RXFP4: variants seen among roughly 807,000 people sequenced by gnomAD.
RXFP4 encodes the protein relaxin family peptide/INSL5 receptor 4.
For synonymous variants in RXFP4, 182 were observed against 218.0 expected (o/e 0.83, Z 1.45); for missense variants, 425 against 491.3 (o/e 0.87, Z 1.28).
Position 155,942,590 on chromosome 1 carries a change from C to T in RXFP4, c.881C>T (p.Thr294Ile). The T allele has an allele frequency of 2.5e-6, 4 of 1,614,226 alleles. No individual in the cohort carries two copies. The highest frequency in any genetic ancestry group is 3.4e-6 in the Non-Finnish European group (4 of 1,180,024). Residue 294 changes from threonine to isoleucine, a missense_variant, in exon 1 of 1, where the codon ACT becomes ATT. Transcript: ENST00000368318. This position sits in a 1 kb window ranked among gnomAD's most constrained non-coding sequence, Gnocchi z 5.2. ...YTIQTYVFPVTTCLAHSNSCL... is the reference protein window; with the variant it reads ...YTIQTYVFPVITCLAHSNSCL... ...ATCCAGACGTATGTCTTCCCTGTCA[C>T]TACTTGCTTGGCACACAGCAATAGC...
Position 155,941,939 on chromosome 1 carries a change from A to G in RXFP4, c.230A>G (p.Asp77Gly), listed in dbSNP as rs138502753. 1.8e-4 allele frequency: 288 copies of G among 1,613,958 alleles called. 2 individuals carry two copies. Among genetic ancestry groups the G allele is most frequent in the Non-Finnish European group, 2.1e-5 (25 of 1,180,012 alleles). ...CARRAPGPPS[D>G]TFVFNLALAD... is the part of the protein sequence containing the mutation. ...CGGAGAGCCCCTGGCCCACCTTCAGACACCTTCGTCTTCAACCTGGCTCTG... is the reference window on the plus strand; with the variant it reads ...CGGAGAGCCCCTGGCCCACCTTCAGGCACCTTCGTCTTCAACCTGGCTCTG... The change falls in exon 1 of 1, where the codon GAC becomes GGC. Residue 77 changes from aspartate (D) to glycine (G), a missense_variant. By Grantham distance (94) the Asp-to-Gly change is moderately conservative. Transcript: ENST00000368318.
Position 155,942,850 on chromosome 1 carries a change from C to G in RXFP4, c.*16C>G. ...ACCCGGGTGAAGGGCGCAAGCTGAACACACTCCTCTTTCTGAGATCCACCA... is the reference window on the plus strand; with the variant it reads ...ACCCGGGTGAAGGGCGCAAGCTGAAGACACTCCTCTTTCTGAGATCCACCA... On this transcript the variant is annotated 3_prime_UTR_variant, in exon 1 of 1. Coordinates refer to ENST00000368318, the MANE Select transcript of RXFP4 (RefSeq NM_181885.3). This position sits in a 1 kb window ranked among gnomAD's most constrained non-coding sequence, Gnocchi z 5.2. 1 of 1,494,752 alleles carries G rather than the reference C, an allele frequency of 6.7e-7. No homozygotes were observed. The highest frequency in any genetic ancestry group is 8.9e-7 in the Non-Finnish European group (1 of 1,128,722). 92.6% of individuals were successfully genotyped at this position (1,494,752 alleles called of 1,614,324 possible).
In RXFP4 at chr1:155,942,026, A is replaced by T. The variant is rs778446357; in HGVS notation, c.317A>T (p.His106Leu). 1.2e-6 allele frequency: 2 copies of T among 1,612,308 alleles called. No homozygotes were observed. Among genetic ancestry groups the T allele is most frequent in the East Asian group, 4.5e-5 (2 of 44,872 alleles). The stretch of plus-strand genomic sequence containing the variant: ...GCAGCCGAGTCGGCACTGGACTTTC[A>T]CTGGCCCTTCGGAGGTGCCCTCTGC... ...FWAAESALDF[H>L]WPFGGALCKM... Residue 106 changes from histidine to leucine, a missense_variant, in exon 1 of 1, where the codon CAC becomes CTC. Physicochemically the swap from His to Leu is moderately conservative, Grantham distance 99 (BLOSUM62 -3). Transcript: ENST00000368318. This position sits in a 1 kb window ranked among gnomAD's most constrained non-coding sequence, Gnocchi z 5.2.
rs768700062 is a variant in RXFP4 at position 155,941,992 on chromosome 1, C to T, written c.283C>T (p.Pro95Ser). The change falls in exon 1 of 1, where the codon CCC becomes TCC. Residue 95 changes from proline (P) to serine (S), a missense_variant. Physicochemically the swap from Pro to Ser is moderately conservative, Grantham distance 74. Transcript: ENST00000368318. ...GGACCTGGGACTGGCACTCACTCTCCCCTTTTGGGCAGCCGAGTCGGCACT... is the reference window on the plus strand; with the variant it reads ...GGACCTGGGACTGGCACTCACTCTCTCCTTTTGGGCAGCCGAGTCGGCACT... ...LADLGLALTL[P>S]FWAAESALDF... 20 of 1,613,758 alleles carry T rather than the reference C, an allele frequency of 1.2e-5. 1 individual carries two copies. Among genetic ancestry groups the T allele is most frequent in the South Asian group, 1.1e-4 (10 of 91,090 alleles).
Position 155,942,124 on chromosome 1 carries a change from C to T in RXFP4, c.415C>T (p.Arg139Cys), listed in dbSNP as rs201370533. 91 of 1,613,332 alleles carry T rather than the reference C, an allele frequency of 5.6e-5. No homozygotes were observed. The highest frequency in any genetic ancestry group is 1.7e-4 in the Middle Eastern group (1 of 6,060). ...CCTCATCACAGCGCTGAGCGTTGCT[C>T]GCTACTGGGTGGTGGCCATGGCTGC... is the stretch of plus-strand genomic sequence containing the variant. ...IFLITALSVA[R>C]YWVVAMAAGP... Residue 139 changes from arginine (R) to cysteine (C), a missense_variant, in exon 1 of 1, where the codon CGC becomes TGC. Coordinates refer to ENST00000368318, the MANE Select transcript of RXFP4 (RefSeq NM_181885.3). The surrounding 1 kb of genome is among the most constrained non-coding windows in gnomAD (Gnocchi z 5.2).
rs747969629 is a variant in RXFP4 at position 155,942,137 on chromosome 1, T to C, written c.428T>C (p.Val143Ala). The C allele has an allele frequency of 6.8e-6, 11 of 1,613,620 alleles. No individual in the cohort carries two copies. Among genetic ancestry groups the C allele is most frequent in the South Asian group, 1.1e-5 (1 of 91,042 alleles). ...CTGAGCGTTGCTCGCTACTGGGTGGTGGCCATGGCTGCGGGGCCAGGCACC... is the reference window on the plus strand; with the variant it reads ...CTGAGCGTTGCTCGCTACTGGGTGGCGGCCATGGCTGCGGGGCCAGGCACC... ...TALSVARYWVVAMAAGPGTHL... is the reference protein window; with the variant it reads ...TALSVARYWVAAMAAGPGTHL... Residue 143 changes from valine to alanine, a missense_variant, in exon 1 of 1, where the codon GTG (valine) becomes GCG (alanine). By Grantham distance (64) the Val-to-Ala change is moderately conservative. Transcript: ENST00000368318. This position sits in a 1 kb window ranked among gnomAD's most constrained non-coding sequence, Gnocchi z 5.2.
In RXFP4 at chr1:155,942,368, T is replaced by C. The variant is rs758999178; in HGVS notation, c.659T>C (p.Ile220Thr). 29 of 1,553,260 alleles carry C rather than the reference T, an allele frequency of 1.9e-5. No homozygotes were observed. Among genetic ancestry groups the C allele is most frequent in the Middle Eastern group, 1.7e-4 (1 of 5,754 alleles). Residue 220 changes from isoleucine to threonine, a missense_variant, in exon 1 of 1, where the codon ATC (isoleucine) becomes ACC (threonine). Coordinates refer to ENST00000368318, the MANE Select transcript of RXFP4 (RefSeq NM_181885.3). This position sits in a 1 kb window ranked among gnomAD's most constrained non-coding sequence, Gnocchi z 5.2. Reference sequence around the variant, plus strand: ...GCTTTCATGGTGCCCTTGGGCGTCATCACCACCAGCTACCTGCTGCTGCTG... The same window carrying C: ...GCTTTCATGGTGCCCTTGGGCGTCACCACCACCAGCTACCTGCTGCTGCTG... ...VLAFMVPLGV[I>T]TTSYLLLLAF...
chr1:155,941,917 A>G lies in RXFP4; in HGVS notation c.208A>G (p.Arg70Gly), dbSNP rs1435368139. The part of the protein sequence containing the change: ...VLWVLSNCAR[R>G]APGPPSDTFV... ...GTGGGTACTGAGTAACTGTGCCCGG[A>G]GAGCCCCTGGCCCACCTTCAGACAC... The change falls in exon 1 of 1, where the codon AGA (arginine) becomes GGA (glycine). Residue 70 changes from arginine (R) to glycine (G), a missense_variant. Transcript: ENST00000368318. 3.7e-6 allele frequency: 6 copies of G among 1,614,010 alleles called. No homozygotes were observed. The highest frequency in any genetic ancestry group is 4.2e-6 in the Non-Finnish European group (5 of 1,180,038).
Position 155,941,658 on chromosome 1 carries a change from C to A in RXFP4, c.-52C>A. On this transcript the variant is annotated 5_prime_UTR_variant, in exon 1 of 1. Transcript: ENST00000368318. ...CCTTCAGTGGCCTCTGCCAGTCTGGCAGACACTTGCAGACCTCTCTTCTCA... is the reference window on the plus strand; with the variant it reads ...CCTTCAGTGGCCTCTGCCAGTCTGGAAGACACTTGCAGACCTCTCTTCTCA... 1 of 1,570,098 alleles carries A rather than the reference C, an allele frequency of 6.4e-7. No homozygotes were observed. The highest frequency in any genetic ancestry group is 8.7e-7 in the Non-Finnish European group (1 of 1,151,002).
Position 155,942,029 on chromosome 1 carries a change from G to A in RXFP4, c.320G>A (p.Trp107Ter). The A allele has an allele frequency of 6.2e-7, 1 of 1,612,214 alleles. No individual in the cohort carries two copies. Residue 107 changes from tryptophan (W) to a stop codon, truncating the protein, a stop_gained, in exon 1 of 1, where the codon TGG becomes TAG. Coordinates refer to ENST00000368318, the MANE Select transcript of RXFP4 (RefSeq NM_181885.3). LOFTEE classifies it low-confidence loss of function (END_TRUNC). The surrounding 1 kb of genome is among the most constrained non-coding windows in gnomAD (Gnocchi z 5.2). ...WAAESALDFH[W>*]PFGGALCKMV... ...GCCGAGTCGGCACTGGACTTTCACT[G>A]GCCCTTCGGAGGTGCCCTCTGCAAG...
rs1674337198 is a variant in RXFP4, at chr1:155,942,613, A to G, written c.904A>G (p.Ser302Gly). Reference protein sequence around the residue: ...PVTTCLAHSNSCLNPVLYCLL... With the variant: ...PVTTCLAHSNGCLNPVLYCLL... The stretch of plus-strand genomic sequence containing the variant: ...CACTACTTGCTTGGCACACAGCAAT[A>G]GCTGCCTCAACCCTGTGCTGTACTG... The change falls in exon 1 of 1, where the codon AGC becomes GGC. Residue 302 changes from serine (S) to glycine (G), a missense_variant. Transcript: ENST00000368318. This position sits in a 1 kb window ranked among gnomAD's most constrained non-coding sequence, Gnocchi z 5.2. The G allele has an allele frequency of 1.9e-6, 3 of 1,614,050 alleles. No homozygotes were observed. The highest frequency in any genetic ancestry group is 8.5e-7 in the Non-Finnish European group (1 of 1,180,010).
chr1:155,942,712 G>C lies in RXFP4; in HGVS notation c.1003G>C (p.Gly335Arg). The change falls in exon 1 of 1, where the codon GGC becomes CGC. Residue 335 changes from glycine to arginine, a missense_variant. Coordinates refer to ENST00000368318, the MANE Select transcript of RXFP4 (RefSeq NM_181885.3). This position sits in a 1 kb window ranked among gnomAD's most constrained non-coding sequence, Gnocchi z 5.2. ...TCTGCGGTTGAGGCTGTGGCCCCAG[G>C]GCGGAGGCTGGGTGCAACAGGTGGC... ...RDLRLRLWPQ[G>R]GGWVQQVALK... The C allele has an allele frequency of 6.2e-7, 1 of 1,607,998 alleles. No individual in the cohort carries two copies. Among genetic ancestry groups the C allele is most frequent in the Non-Finnish European group, 8.5e-7 (1 of 1,179,478 alleles).
chr1:155,942,492 C>T lies in RXFP4; in HGVS notation c.783C>T (p.Pro261=), dbSNP rs1235587446. 2 of 1,610,744 alleles carry T rather than the reference C, an allele frequency of 1.2e-6. No individual in the cohort carries two copies. Among genetic ancestry groups the T allele is most frequent in the Admixed American group, 3.3e-5 (2 of 59,802 alleles). The part of the protein sequence containing the change: ...LVASFFLCWF[P]NHVVTLWGVL... The stretch of plus-strand genomic sequence containing the variant: ...CTTCCTTCTTCCTCTGCTGGTTTCC[C>T]AACCATGTGGTCACTCTCTGGGGTG... Residue 261 remains proline, a synonymous_variant, in exon 1 of 1, where the codon CCC becomes CCT. Transcript: ENST00000368318. This position sits in a 1 kb window ranked among gnomAD's most constrained non-coding sequence, Gnocchi z 5.2.
Position 155,942,522 on chromosome 1 carries a change from G to A in RXFP4, c.813G>A (p.Leu271=). Residue 271 remains leucine (L), a synonymous_variant, in exon 1 of 1, where the codon CTG becomes CTA. Transcript: ENST00000368318. The surrounding 1 kb of genome is among the most constrained non-coding windows in gnomAD (Gnocchi z 5.2). ...ATGTGGTCACTCTCTGGGGTGTCCT[G>A]GTGAAGTTTGACCTGGTGCCCTGGA... ...PNHVVTLWGV[L]VKFDLVPWNS... The A allele has an allele frequency of 1.2e-6, 2 of 1,613,988 alleles. No individual in the cohort carries two copies. The highest frequency in any genetic ancestry group is 2.7e-5 in the African/African-American group (2 of 75,042).
chr1:155,942,654 G>GC lies in RXFP4; in HGVS notation c.949dup (p.Arg317ProfsTer64). On this transcript the variant is annotated frameshift_variant, in exon 1 of 1. Coordinates refer to ENST00000368318, the MANE Select transcript of RXFP4 (RefSeq NM_181885.3). LOFTEE classifies it low-confidence loss of function (END_TRUNC). This position sits in a 1 kb window ranked among gnomAD's most constrained non-coding sequence, Gnocchi z 5.2. ...TGCTGTACTGTCTCCTGAGGCGGGA[G>GC]CCCCGGCAGGCTCTGGCAGGCACCT... The GC allele has an allele frequency of 6.2e-7, 1 of 1,613,950 alleles. No homozygotes were observed. Among genetic ancestry groups the GC allele is most frequent in the Non-Finnish European group, 8.5e-7 (1 of 1,179,992 alleles).
chr1:155,942,597 C>T lies in RXFP4; in HGVS notation c.888C>T (p.Cys296=). 6.2e-7 allele frequency: 1 copy of T among 1,614,228 alleles called. No homozygotes were observed. Among genetic ancestry groups the T allele is most frequent in the Non-Finnish European group, 8.5e-7 (1 of 1,180,026 alleles). ...CGTATGTCTTCCCTGTCACTACTTG[C>T]TTGGCACACAGCAATAGCTGCCTCA... ...IQTYVFPVTT[C]LAHSNSCLNP... is the part of the protein sequence containing the mutation. The change falls in exon 1 of 1, where the codon TGC becomes TGT. Residue 296 remains cysteine (C), a synonymous_variant. Coordinates refer to ENST00000368318, the MANE Select transcript of RXFP4 (RefSeq NM_181885.3). This position sits in a 1 kb window ranked among gnomAD's most constrained non-coding sequence, Gnocchi z 5.2.
rs768269224 is a variant in RXFP4, at chr1:155,942,054, G to A, written c.345G>A (p.Lys115=). ...FHWPFGGALC[K]MVLTATVLNV... ...GGCCCTTCGGAGGTGCCCTCTGCAA[G>A]ATGGTTCTGACGGCCACTGTCCTCA... is the stretch of plus-strand genomic sequence containing the variant. The change falls in exon 1 of 1, where the codon AAG becomes AAA. Residue 115 remains lysine (K), a synonymous_variant. Transcript: ENST00000368318. This position sits in a 1 kb window ranked among gnomAD's most constrained non-coding sequence, Gnocchi z 5.2. 15 of 1,611,296 alleles carry A rather than the reference G, an allele frequency of 9.3e-6. No homozygotes were observed. Among genetic ancestry groups the A allele is most frequent in the Non-Finnish European group, 1.3e-5 (15 of 1,180,038 alleles).
rs1378590532 is a variant in RXFP4, at chr1:155,941,907, C to A, written c.198C>A (p.Asn66Lys). The change falls in exon 1 of 1, where the codon AAC (asparagine) becomes AAA (lysine). Residue 66 changes from asparagine (N) to lysine (K), a missense_variant. Transcript: ENST00000368318. ...TGGCGGTGCTGTGGGTACTGAGTAA[C>A]TGTGCCCGGAGAGCCCCTGGCCCAC... ...GNLAVLWVLSNCARRAPGPPS... is the reference protein window; with the variant it reads ...GNLAVLWVLSKCARRAPGPPS... 3.1e-6 allele frequency: 5 copies of A among 1,614,190 alleles called. No homozygotes were observed. The highest frequency in any genetic ancestry group is 4.2e-6 in the Non-Finnish European group (5 of 1,180,044).
At position 155,941,766 on chromosome 1, in the gene RXFP4, C is replaced by T. The variant is rs145700306; in HGVS notation, c.57C>T (p.Ser19=). Residue 19 remains serine, a synonymous_variant, in exon 1 of 1, where the codon TCC becomes TCT. Coordinates refer to ENST00000368318, the MANE Select transcript of RXFP4 (RefSeq NM_181885.3). Reference sequence around the variant, plus strand: ...CCACATTCTTCTGGGCCAATGCCTCCGGAGGCAGTGTGCTGAGTGCTGATG... The same window carrying T: ...CCACATTCTTCTGGGCCAATGCCTCTGGAGGCAGTGTGCTGAGTGCTGATG... The part of the protein sequence containing the change: ...SPPTFFWANA[S]GGSVLSADDA... 352 of 1,614,198 alleles carry T rather than the reference C, an allele frequency of 2.2e-4. No individual in the cohort carries two copies. Among genetic ancestry groups the T allele is most frequent in the East Asian group, 3.3e-4 (15 of 44,884 alleles).
Sources: allele counts gnomAD v4.1 joint callset, GRCh38; gene constraint gnomAD v4.1.1; non-coding constraint Gnocchi (gnomAD v3.1); transcripts MANE v1.5; gene names NCBI Gene and HGNC (gene_info 2026-07-23, HGNC 2026-07-21).